GAK: variants seen among roughly 807,000 people sequenced by gnomAD.
GAK encodes cyclin-G-associated kinase.
GAK carries 79 observed loss-of-function variants against 143.9 expected under a neutral mutation model. The observed-to-expected ratio is 0.55, with a 90% CI of 0.46 to 0.66. The LOEUF is 0.66. GAK is among the 30% of genes least tolerant of loss of function. The probability of loss-of-function intolerance (pLI) is 0.00; values close to 1 mark genes in which losing one functional copy is unlikely to be tolerated. For synonymous variants in GAK, 881 were observed against 765.5 expected (o/e 1.15, Z -2.49); for missense variants, 1,693 against 1,779.7 (o/e 0.95, Z 0.88).
At chr4:863,133 G>A (rs1245902619) in intron 23 of GAK, among the ~76,000 whole-genome samples, 1 of 152,216 alleles carries the variant, frequency 6.6e-6, no homozygotes, top group Non-Finnish European at 1.5e-5. Flanking sequence ...AAGAGTTTGG[G>A]AGAAGCTGAT....
At chr4:886,227 G>C (rs1305497523) in intron 11 of GAK, 1 of 152,304 alleles carries the variant, frequency 6.6e-6, no homozygotes, top group Admixed American at 6.5e-5. Flanking sequence ...GGTGTCAGGA[G>C]GGTTCCCACC....
chr4:853,219 C>A (rs75022841), intron 24 of GAK: 1 of 152,314 alleles, frequency 6.6e-6, no homozygotes, highest in Non-Finnish European at 1.5e-5. Context: ...CCGCCACTCC[C>A]CCTCCCTGCC....
chr4:932,198 G>A lies in GAK; in HGVS notation c.-11C>T, dbSNP rs1033564566. On this transcript the variant is annotated 5_prime_UTR_variant, in exon 1 of 28. Transcript: ENST00000314167. The surrounding 1 kb of genome is among the most constrained non-coding windows in gnomAD (Gnocchi z 4.0). ...CTGCAGCAGCGACATGGCGGTGGCTGCGCCGCACCCCGCGGCAGCCGGAGT... is the reference window on the plus strand; with the variant it reads ...CTGCAGCAGCGACATGGCGGTGGCTACGCCGCACCCCGCGGCAGCCGGAGT... 6.5e-7 allele frequency: 1 copy of A among 1,529,234 alleles called. No individual in the cohort carries two copies. Among genetic ancestry groups the A allele is most frequent in the African/African-American group, 1.4e-5 (1 of 69,918 alleles). The allele number at this position is 1,529,234 out of a possible 1,614,324, so 94.7% of individuals were successfully genotyped here.
chr4:900,674 G>A (rs776097962), intron 5 of GAK, among the ~76,000 whole-genome samples: 7 of 152,234 alleles, frequency 4.6e-5, no homozygotes, highest in South Asian at 2.1e-4. Context: ...AGCCCCTTCC[G>A]TCAGAATGGG....
chr4:875,206 C>T (rs1409460694), intron 18 of GAK, among the ~76,000 whole-genome samples: 1 of 152,152 alleles, frequency 6.6e-6, no homozygotes, highest in Non-Finnish European at 1.5e-5. Context: ...TTTTAAGCAC[C>T]GCCTCCACCG....
intron 1 of GAK, among the ~76,000 whole-genome samples, chr4:926,843 C>T (rs1297600067): frequency 8.7e-5 from 13 of 149,820 alleles, no homozygotes; most frequent in Admixed American, 1.3e-4. Flanking sequence ...CCGCACCCCT[C>T]CCAGCTCACC....
intron 5 of GAK, among the ~76,000 whole-genome samples, chr4:901,076 C>T (rs539345176): frequency 6.6e-6 from 1 of 152,360 alleles, no homozygotes; most frequent in African/African-American, 2.4e-5. Flanking sequence ...TACGTGAAGA[C>T]ACCTGTGCTA....
At chr4:902,423 G>C (rs1720039802) in intron 5 of GAK, among the ~76,000 whole-genome samples, 1 of 151,452 alleles carries the variant, frequency 6.6e-6, no homozygotes, top group African/African-American at 2.4e-5. Context: ...TGGGCAACAT[G>C]GTGAAACCCC....
intron 1 of GAK, among the ~76,000 whole-genome samples, chr4:930,218 G>A (rs1725438581): frequency 6.6e-6 from 1 of 152,142 alleles, no homozygotes; most frequent in South Asian, 2.1e-4. Context: ...TTCACACTCT[G>A]TTTCAGTTCA....
intron 4 of GAK, among the ~76,000 whole-genome samples, chr4:908,613 C>T (rs1721500411): frequency 6.6e-6 from 1 of 152,120 alleles, no homozygotes; most frequent in Non-Finnish European, 1.5e-5. Flanking sequence ...GAGACTCTGT[C>T]TCTAAGAAAA....
At chr4:905,438 C>T (rs548328313) in intron 4 of GAK, among the ~76,000 whole-genome samples, 38 of 151,968 alleles carry the variant, frequency 2.5e-4, no homozygotes, top group Admixed American at 1.5e-3. Flanking sequence ...GACTCTGCCA[C>T]GCCGCGCCAC....
Position 865,143 on chromosome 4 carries a change from C to A in GAK, c.3145G>T (p.Ala1049Ser). The A allele has an allele frequency of 6.2e-7, 1 of 1,610,160 alleles. No individual in the cohort carries two copies. The highest frequency in any genetic ancestry group is 8.5e-7 in the Non-Finnish European group (1 of 1,178,292). Residue 1049 changes from alanine (A) to serine (S), a missense_variant, in exon 23 of 28, where the codon GCC (alanine) becomes TCC (serine). Around this residue, in one of 2 missense-constraint regions of GAK, gnomAD observed 822 missense variants for 788.7 expected, o/e 1.04. Transcript: ENST00000314167. ...AWTETAASAV[A>S]PTPATEGPLF... Reference sequence around the variant, plus strand: ...ATACCTTCTGTGGCTGGCGTGGGGGCCACTGCCGATGCTGCAGTCTCGGTC... The same window carrying A: ...ATACCTTCTGTGGCTGGCGTGGGGGACACTGCCGATGCTGCAGTCTCGGTC...
At chr4:926,350 T>C (rs889697638) in intron 1 of GAK, among the ~76,000 whole-genome samples, 2 of 152,186 alleles carry the variant, frequency 1.3e-5, no homozygotes, top group Non-Finnish European at 2.9e-5. Flanking sequence ...TACTACCTTA[T>C]ATGCTCAGAC....
chr4:885,350 G>A (rs963042680), intron 11 of GAK, among the ~76,000 whole-genome samples: 1 of 152,218 alleles, frequency 6.6e-6, no homozygotes, highest in African/African-American at 2.4e-5. Context: ...CCGAGGCAGA[G>A]AGATCACCTG....
intron 15 of GAK, 108 bp downstream of exon 15, chr4:881,799 A>C: frequency 7.6e-7 from 1 of 1,322,458 alleles, no homozygotes; most frequent in Non-Finnish European, 1.0e-6. Context: ...CTTTCCCACC[A>C]GCGCCTGCAG....
intron 1 of GAK, among the ~76,000 whole-genome samples, chr4:926,856 C>A (rs1472870826): frequency 6.9e-6 from 1 of 145,610 alleles, no homozygotes; most frequent in Non-Finnish European, 1.5e-5. Flanking sequence ...AGCTCACCTG[C>A]GCTCCGCACT....
intron 21 of GAK, 141 bp from the exon 22 acceptor site, chr4:866,675 G>A (rs1467481848): frequency 1.1e-5 from 10 of 910,774 alleles, no homozygotes; most frequent in Non-Finnish European, 1.5e-5. Flanking sequence ...GGGGCACTGA[G>A]GCAGTCAGCC....
intron 5 of GAK, among the ~76,000 whole-genome samples, chr4:904,271 C>G: frequency 7.8e-6 from 1 of 127,618 alleles, no homozygotes. Flanking sequence ...GACCCGCACA[C>G]AGAGGCCTTG....
rs976872349 is a variant in GAK, at chr4:904,927, T to A, written c.383-148A>T. 1.9e-5 allele frequency: 14 copies of A among 750,608 alleles called. No individual in the cohort carries two copies. The African/African-American group carries it at 2.0e-4, about 11-fold the overall frequency. 46.5% of individuals were successfully genotyped at this position (750,608 alleles called of 1,614,324 possible). On this transcript the variant is annotated intron_variant, in intron 4 of 27. Transcript: ENST00000314167. The stretch of plus-strand genomic sequence containing the variant: ...AAGTAACAAAACGACCAGAGGTGAC[T>A]CCCTTTGACCTTTTCTGCCTGGCAG...
Sources: allele counts gnomAD v4.1 joint callset (sites outside exome capture counted in the v4.1 genomes callset), GRCh38; gene constraint gnomAD v4.1.1; regional missense constraint gnomAD v4.1.1; non-coding constraint Gnocchi (gnomAD v3.1); transcripts MANE v1.5; gene names NCBI Gene and HGNC (gene_info 2026-07-23, HGNC 2026-07-21).